DTNBP1: variants seen among roughly 807,000 people sequenced by gnomAD.
DTNBP1 encodes dysbindin.
A neutral mutation model predicts 42.8 loss-of-function variants in DTNBP1; 35 were observed. That is an observed-to-expected ratio of 0.82 (90% CI 0.63 to 1.09). The LOEUF (loss-of-function observed/expected upper bound fraction) is 1.09, where lower values mean the gene tolerates loss of function less well. Among genes scored for constraint, DTNBP1 ranks in the 50% least tolerant of loss-of-function variants. The pLI is 0.00. For synonymous variants in DTNBP1, 171 were observed against 162.2 expected, an observed-to-expected ratio of 1.05 and a Z score of -0.41; for missense variants, 457 against 424.2, an observed-to-expected ratio of 1.08 and a Z score of -0.68.
At chr6:15,598,368 C>T (rs1776593967) in intron 6 of DTNBP1, among the ~76,000 whole-genome samples, 1 of 152,192 alleles carries the variant, frequency 6.6e-6, no homozygotes, top group Admixed American at 6.5e-5. Context: ...TAGGACAAAT[C>T]CATGATAAAA....
At chr6:15,608,368 A>C (rs1758195508) in intron 6 of DTNBP1, among the ~76,000 whole-genome samples, 1 of 152,184 alleles carries the variant, frequency 6.6e-6, no homozygotes, top group Admixed American at 6.5e-5. Flanking sequence ...TAAATAAAGG[A>C]GTCATAAAGC....
chr6:15,622,304 G>A (rs1759084260), intron 5 of DTNBP1, among the ~76,000 whole-genome samples: 1 of 151,994 alleles, frequency 6.6e-6, no homozygotes, highest in Non-Finnish European at 1.5e-5. Context: ...AAGAAATGAT[G>A]AAAATTTTCC....
chr6:15,552,388 A>T (rs1774262822), intron 7 of DTNBP1, among the ~76,000 whole-genome samples: 1 of 152,252 alleles, frequency 6.6e-6, no homozygotes, highest in Non-Finnish European at 1.5e-5. Context: ...AGGAATATTG[A>T]GGGTTTATTT....
chr6:15,524,420 G>T (rs1254051731), intron 9 of DTNBP1, 106 bp downstream of exon 9: 1 of 1,614,000 alleles, frequency 6.2e-7, no homozygotes, highest in Non-Finnish European at 8.5e-7. Flanking sequence ...TGTGAGCTTG[G>T]GGGTTTATGC....
chr6:15,533,636 C>A, intron 7 of DTNBP1: 1 of 665,382 alleles, frequency 1.5e-6, no homozygotes. Flanking sequence ...GTGCTGTTCC[C>A]TTTGCTGGAA....
intron 6 of DTNBP1, among the ~76,000 whole-genome samples, chr6:15,600,082 T>C (rs891791557): frequency 1.3e-5 from 2 of 152,002 alleles, no homozygotes; most frequent in Non-Finnish European, 2.9e-5. Flanking sequence ...CATACAAATA[T>C]ATTCCTGATC....
At chr6:15,589,037 AGTATT>A (rs1413456479) in intron 7 of DTNBP1, among the ~76,000 whole-genome samples, 1 of 152,242 alleles carries the variant, frequency 6.6e-6, no homozygotes, top group African/African-American at 2.4e-5. Context: ...GAGTCACTTA[AGTATT>A]GTTCAATGGC....
chr6:15,544,335 C>T (rs138225040), intron 7 of DTNBP1, among the ~76,000 whole-genome samples: 1 of 152,244 alleles, frequency 6.6e-6, no homozygotes, highest in East Asian at 1.9e-4. Flanking sequence ...TGGCTGTTTC[C>T]AACTTTTGGC....
At chr6:15,595,027 C>A (rs550446778) in intron 6 of DTNBP1, 2 of 437,202 alleles carry the variant, frequency 4.6e-6, no homozygotes, top group East Asian at 1.4e-4. Flanking sequence ...TCCTGCTCAC[C>A]CTGCAACCGT....
At chr6:15,634,371 C>T (rs745441522) in intron 4 of DTNBP1, among the ~76,000 whole-genome samples, 19 of 152,142 alleles carry the variant, frequency 1.2e-4, no homozygotes, top group Non-Finnish European at 2.2e-4. Flanking sequence ...GCCTAGAGTG[C>T]GGTGGCTCAA....
At chr6:15,660,527 C>T in intron 1 of DTNBP1, 1 of 1,289,668 alleles carries the variant, frequency 7.8e-7, no homozygotes, top group Non-Finnish European at 1.0e-6. Context: ...GTGACCTGTA[C>T]AGGAGAAAGC....
intron 7 of DTNBP1, among the ~76,000 whole-genome samples, chr6:15,540,458 T>A (rs909853030): frequency 1.3e-5 from 2 of 152,232 alleles, no homozygotes; most frequent in African/African-American, 4.8e-5. Flanking sequence ...AGAATTAAGA[T>A]TTTCTGTAGA....
chr6:15,595,107 C>CA lies in DTNBP1; in HGVS notation c.489-2027dup, dbSNP rs113027824. On this transcript the variant is annotated intron_variant, in intron 6 of 9. Coordinates refer to ENST00000344537, the MANE Select transcript of DTNBP1 (RefSeq NM_032122.5). ...TCCTCTGTCACACAGCGTCATGACCCACAACTCCACAACTGTCAGCGAAAT... is the reference window on the plus strand; with the variant it reads ...TCCTCTGTCACACAGCGTCATGACCCAACAACTCCACAACTGTCAGCGAAAT... 5.5e-3 allele frequency: 2,495 copies of CA among 456,292 alleles called. 46 individuals are homozygous for CA. The highest frequency in any genetic ancestry group is 0.043 in the African/African-American group (2,157 of 50,078). The allele number at this position is 456,292 out of a possible 1,614,324, so 28.3% of individuals were successfully genotyped here. A position where few individuals can be genotyped will look rare whatever the true frequency, so the allele number is the denominator to read the frequency against.
chr6:15,577,666 C>G (rs1775639390), intron 7 of DTNBP1, among the ~76,000 whole-genome samples: 1 of 152,154 alleles, frequency 6.6e-6, no homozygotes, highest in South Asian at 2.1e-4. Context: ...GTTTAAGATG[C>G]CAGTGAGCAC....
chr6:15,575,184 G>GA (rs766388439), intron 7 of DTNBP1, among the ~76,000 whole-genome samples: 2 of 151,484 alleles, frequency 1.3e-5, no homozygotes, highest in African/African-American at 2.4e-5. Flanking sequence ...AAATTTGAAG[G>GA]AAAAAAAGGT....
chr6:15,626,702 T>C (rs1009642240), intron 5 of DTNBP1, among the ~76,000 whole-genome samples: 1 of 152,028 alleles, frequency 6.6e-6, no homozygotes, highest in Non-Finnish European at 1.5e-5. Flanking sequence ...GACAAAAAAA[T>C]AAATTTCCAC....
rs1356149547 is a variant in DTNBP1, at chr6:15,615,339, C to T, written c.416G>A (p.Cys139Tyr). The change falls in exon 6 of 10, where the codon TGT becomes TAT. Residue 139 changes from cysteine (C) to tyrosine (Y), a missense_variant. Physicochemically the swap from Cys to Tyr is radical, Grantham distance 194 (BLOSUM62 -2). Transcript: ENST00000344537. ...ENNLLHLEDLCGQCELERCKH... is the reference protein window; with the variant it reads ...ENNLLHLEDLYGQCELERCKH... Reference sequence around the variant, plus strand: ...GCATCTTTCTAATTCACACTGCCCACATAAGTCTTCCAGATGCAGCAGGTT... The same window carrying T: ...GCATCTTTCTAATTCACACTGCCCATATAAGTCTTCCAGATGCAGCAGGTT... 1.2e-6 allele frequency: 2 copies of T among 1,614,004 alleles called. No individual in the cohort carries two copies. The highest frequency in any genetic ancestry group is 2.7e-5 in the African/African-American group (2 of 74,900).
Position 15,662,836 on chromosome 6 carries a change from C to T in DTNBP1, c.34G>A (p.Val12Met), listed in dbSNP as rs752961909. Residue 12 changes from valine to methionine, a missense_variant, in exon 1 of 10, where the codon GTG becomes ATG. Physicochemically the swap from Val to Met is conservative, Grantham distance 21. Transcript: ENST00000344537. ...LETLRERLLS[V>M]QQDFTSGLKT... ...CACCCGGAGGTGAAATCCTGCTGCA[C>T]GCTCAGCAGCCGCTCGCGAAGGGTC... 2.5e-6 allele frequency: 4 copies of T among 1,610,486 alleles called. No homozygotes were observed. Among genetic ancestry groups the T allele is most frequent in the Non-Finnish European group, 3.4e-6 (4 of 1,179,548 alleles).
intron 5 of DTNBP1, among the ~76,000 whole-genome samples, chr6:15,615,950 A>T (rs1758692155): frequency 6.6e-6 from 1 of 152,248 alleles, no homozygotes; most frequent in South Asian, 2.1e-4. Context: ...GGTGAGGAAC[A>T]GACTTTGCTC....
Sources: allele counts gnomAD v4.1 joint callset (sites outside exome capture counted in the v4.1 genomes callset), GRCh38; gene constraint gnomAD v4.1.1; transcripts MANE v1.5; gene names NCBI Gene and HGNC (gene_info 2026-07-23, HGNC 2026-07-21).